Variants in RAD17 observed in about 807,000 individuals in gnomAD.
RAD17 encodes the protein RAD17 checkpoint clamp loader component.
In RAD17, 31 loss-of-function variants were observed where a neutral mutation model predicts 81.5. The ratio of observed to expected loss-of-function variants is 0.38; its 90% CI spans 0.29 to 0.51. The LOEUF (loss-of-function observed/expected upper bound fraction) is 0.51. RAD17 is among the 20% of genes least tolerant of loss of function. RAD17 has a pLI of 0.88. For synonymous variants in RAD17, 261 were observed against 266.2 expected (o/e 0.98, Z 0.19); for missense variants, 681 against 781.2 (o/e 0.87, Z 1.53).
intron 18 of RAD17, among the ~76,000 whole-genome samples, chr5:69,413,512 GTGGTT>G (rs1159632458): frequency 6.6e-6 from 1 of 152,174 alleles, no homozygotes; most frequent in African/African-American, 2.4e-5. Context: ...TTTTGTTGTT[GTGGTT>G]TGGTTTGGTT....
At chr5:69,406,487 T>G (rs1208523896) in intron 17 of RAD17, among the ~76,000 whole-genome samples, 2 of 151,614 alleles carry the variant, frequency 1.3e-5, no homozygotes, top group Non-Finnish European at 2.9e-5. Context: ...TAATAGTATT[T>G]TGTGTGTGTG....
At chr5:69,369,657 C>G (rs1762790315), upstream of RAD17, 1 of 1,559,632 alleles carries the variant, frequency 6.4e-7, no homozygotes, top group Non-Finnish European at 8.7e-7. Flanking sequence ...CACTGGTTAC[C>G]TGGCTTTCGA....
intron 17 of RAD17, among the ~76,000 whole-genome samples, chr5:69,410,186 G>C (rs1040852403): frequency 6.6e-6 from 1 of 152,166 alleles, no homozygotes; most frequent in Non-Finnish European, 1.5e-5. Context: ...GGAATTGTTA[G>C]ATCATACAAT....
chr5:69,389,202 T>C (rs971625330), intron 12 of RAD17, 57 bp downstream of exon 12: 23 of 1,064,446 alleles, frequency 2.2e-5, no homozygotes, highest in Non-Finnish European at 3.1e-5. Context: ...TTTCTCTTAA[T>C]TCATTCAATG....
chr5:69,385,862 T>C (rs1764179792), intron 8 of RAD17, among the ~76,000 whole-genome samples, 181 bp from the exon 9 acceptor site: 1 of 152,208 alleles, frequency 6.6e-6, no homozygotes, highest in Admixed American at 6.5e-5. Flanking sequence ...GATCTAAAAA[T>C]TGGGATCCCC....
Position 69,372,017 on chromosome 5 carries a change from C to T in RAD17, c.-175-17C>T. The T allele has an allele frequency of 8.4e-7, 1 of 1,188,528 alleles. No individual in the cohort carries two copies. The highest frequency in any genetic ancestry group is 1.1e-6 in the Non-Finnish European group (1 of 923,664). The allele number at this position is 1,188,528 out of a possible 1,614,324, so 73.6% of individuals were successfully genotyped here. A position where few individuals can be genotyped will look rare whatever the true frequency, so the allele number is the denominator to read the frequency against. Reference sequence around the variant, plus strand: ...TAAGTTACTTAACTTTGCTGTTTATCTTTCTCTTTTTTTCAGTATATGGGA... The same window carrying T: ...TAAGTTACTTAACTTTGCTGTTTATTTTTCTCTTTTTTTCAGTATATGGGA... On this transcript the variant is annotated splice_polypyrimidine_tract_variant and intron_variant, in intron 3 of 18. Transcript: ENST00000354868.
intron 3 of RAD17, 38 bp from the exon 4 acceptor site, chr5:69,371,996 T>C: frequency 8.9e-7 from 1 of 1,119,624 alleles, no homozygotes; most frequent in Non-Finnish European, 1.2e-6. Context: ...GTTAAGTAAG[T>C]TACTTAACTT....
chr5:69,374,310 T>C (rs922920006), intron 5 of RAD17, among the ~76,000 whole-genome samples: 1 of 152,224 alleles, frequency 6.6e-6, no homozygotes, highest in Non-Finnish European at 1.5e-5. Context: ...AATCCCAACA[T>C]AGAATTGATC....
At position 69,384,754 on chromosome 5, in the gene RAD17, T is replaced by C; in HGVS notation, c.509-43T>C. On this transcript the variant is annotated intron_variant, in intron 7 of 18. Coordinates refer to ENST00000354868, the MANE Select transcript of RAD17 (RefSeq NM_133338.3). ...CATACAGATGTATAATATTAATGTA[T>C]ATCATTTGTTGAAAATAAAAGTGGT... 4 of 1,539,406 alleles carry C rather than the reference T, an allele frequency of 2.6e-6. No homozygotes were observed. The Middle Eastern group carries it at 6.9e-4, about 264-fold the overall frequency.
chr5:69,412,582 T>C (rs1044436979), intron 18 of RAD17, among the ~76,000 whole-genome samples: 1 of 152,150 alleles, frequency 6.6e-6, no homozygotes, highest in Admixed American at 6.6e-5. Flanking sequence ...ATTGCCAAAT[T>C]GTTGGCAAGA....
intron 18 of RAD17, among the ~76,000 whole-genome samples, chr5:69,413,500 GT>G (rs1333520214): frequency 6.6e-6 from 1 of 152,146 alleles, no homozygotes; most frequent in Admixed American, 6.5e-5. Flanking sequence ...ATTTTTAGGT[GT>G]TTTTGTTGTT....
Position 69,374,017 on chromosome 5 carries a change from G to A in RAD17, c.197G>A (p.Gly66Asp). ...CTATCTTCCTTAGAACAGATTTATG[G>A]TTTAGAAAATTCAAAAGAATATCTG... Reference protein sequence around the residue: ...GNLSSLEQIYGLENSKEYLSE... With the variant: ...GNLSSLEQIYDLENSKEYLSE... Residue 66 changes from glycine to aspartate, a missense_variant, in exon 5 of 19, where the codon GGT becomes GAT. Coordinates refer to ENST00000354868, the MANE Select transcript of RAD17 (RefSeq NM_133338.3). 1 of 1,611,380 alleles carries A rather than the reference G, an allele frequency of 6.2e-7. No individual in the cohort carries two copies. Among genetic ancestry groups the A allele is most frequent in the Non-Finnish European group, 8.5e-7 (1 of 1,178,138 alleles).
chr5:69,380,771 CTTTT>C (rs57357599), intron 6 of RAD17, among the ~76,000 whole-genome samples: 1 of 141,672 alleles, frequency 7.1e-6, no homozygotes, highest in South Asian at 2.2e-4. Context: ...CTTTTTTTTC[CTTTT>C]TTTTTTTTCT....
chr5:69,403,348 C>G (rs1765390334), intron 17 of RAD17, among the ~76,000 whole-genome samples: 1 of 152,086 alleles, frequency 6.6e-6, no homozygotes, highest in Admixed American at 6.6e-5. Context: ...TCTGGTGATT[C>G]CTCATTATTG....
chr5:69,403,172 A>G (rs1480570974), intron 17 of RAD17, among the ~76,000 whole-genome samples: 1 of 152,054 alleles, frequency 6.6e-6, no homozygotes, highest in Non-Finnish European at 1.5e-5. Flanking sequence ...ATAACTCCCC[A>G]TTTCTTGTCC....
At chr5:69,411,388 G>A (rs1290765428) in intron 18 of RAD17, among the ~76,000 whole-genome samples, 1 of 151,948 alleles carries the variant, frequency 6.6e-6, no homozygotes, top group East Asian at 1.9e-4. Flanking sequence ...CCCAGCCTGG[G>A]CAACAAAAGC....
chr5:69,397,236 G>A (rs1001645938), intron 16 of RAD17, among the ~76,000 whole-genome samples: 2 of 152,064 alleles, frequency 1.3e-5, no homozygotes, highest in African/African-American at 4.8e-5. Context: ...CTACCTCCTA[G>A]GTTCAAGCAA....
At chr5:69,391,807 G>A (rs751361726) in intron 12 of RAD17, 24 bp from the exon 13 acceptor site, 1 of 1,369,804 alleles carries the variant, frequency 7.3e-7, no homozygotes, top group Admixed American at 2.8e-5. Flanking sequence ...TTTAAATATT[G>A]TCACTTGGAT....
chr5:69,369,379 G>T (rs1233183511), upstream of RAD17: 5 of 1,519,884 alleles, frequency 3.3e-6, no homozygotes, highest in Middle Eastern at 2.3e-4. Flanking sequence ...GCAGTGAGGG[G>T]CCCCCACCTG....
Sources: gnomAD v4.1 joint callset for allele counts (sites outside exome capture counted in the v4.1 genomes callset) on GRCh38, gnomAD v4.1.1 for gene constraint, MANE v1.5 for transcripts, NCBI Gene and HGNC (gene_info 2026-07-23, HGNC 2026-07-21) for gene names.